The following PTPRT variants were observed in gnomAD, a reference collection of about 807,000 sequenced individuals.
The protein encoded by PTPRT is protein tyrosine phosphatase receptor type T.
In PTPRT, 56 loss-of-function variants were observed where a neutral mutation model predicts 176.8. The observed-to-expected ratio is 0.32, with a 90% CI of 0.26 to 0.40. PTPRT has a LOEUF of 0.40. PTPRT is among the 10% of genes least tolerant of loss of function. The probability of loss-of-function intolerance (pLI) is 1.00; values close to 1 mark genes in which losing one functional copy is unlikely to be tolerated. For missense variants in PTPRT, 1,540 were observed against 1,908.2 expected, an observed-to-expected ratio of 0.81 and a Z score of 3.60; for synonymous variants, 783 against 739.0, an observed-to-expected ratio of 1.06 and a Z score of -0.96.
intron 1 of PTPRT, among the ~76,000 whole-genome samples, chr20:42,928,592 G>T (rs1979634253): frequency 6.6e-6 from 1 of 152,184 alleles, no homozygotes; most frequent in Admixed American, 6.5e-5. Flanking sequence ...TGATGAGTAG[G>T]CCAGGAGGTG....
At chr20:43,152,394 T>C (rs544834932) in intron 1 of PTPRT, among the ~76,000 whole-genome samples, 47 of 152,318 alleles carry the variant, frequency 3.1e-4, no homozygotes, top group African/African-American at 9.9e-4. Flanking sequence ...TATGAATTCA[T>C]TGCACACAAG....
intron 1 of PTPRT, among the ~76,000 whole-genome samples, chr20:43,157,054 T>TA (rs970454351): frequency 6.6e-5 from 10 of 150,700 alleles, no homozygotes; most frequent in South Asian, 2.1e-4. Flanking sequence ...ACACAGCAAT[T>TA]AAAAAAAAAG....
intron 1 of PTPRT, among the ~76,000 whole-genome samples, chr20:43,051,623 T>A (rs1314951656): frequency 1.6e-5 from 1 of 60,702 alleles, no homozygotes; most frequent in Admixed American, 2.3e-4. Flanking sequence ...ACTCTGTAAC[T>A]GTAAAAAAAA....
At chr20:42,500,150 T>C (rs186124652) in intron 7 of PTPRT, among the ~76,000 whole-genome samples, 4 of 152,068 alleles carry the variant, frequency 2.6e-5, no homozygotes, top group Non-Finnish European at 4.4e-5. Context: ...TTTTGATATA[T>C]GTTTTATTTT....
intron 9 of PTPRT, among the ~76,000 whole-genome samples, chr20:42,356,037 A>C (rs1362462490): frequency 6.6e-6 from 1 of 152,180 alleles, no homozygotes; most frequent in Non-Finnish European, 1.5e-5. Context: ...GCTTCACCAA[A>C]TCTAATTCCC....
At chr20:42,666,793 T>A (rs569797965) in intron 7 of PTPRT, among the ~76,000 whole-genome samples, 4 of 152,234 alleles carry the variant, frequency 2.6e-5, no homozygotes, top group Non-Finnish European at 4.4e-5. Context: ...AAGAATAGGA[T>A]ACATTTTATT....
intron 2 of PTPRT, among the ~76,000 whole-genome samples, chr20:42,800,372 G>C (rs941282782): frequency 1.3e-5 from 2 of 152,200 alleles, no homozygotes; most frequent in African/African-American, 4.8e-5. Context: ...CATGCAGGAA[G>C]AGGGGTAAAG....
At chr20:43,053,613 C>G (rs1227825279) in intron 1 of PTPRT, among the ~76,000 whole-genome samples, 1 of 152,218 alleles carries the variant, frequency 6.6e-6, no homozygotes, top group African/African-American at 2.4e-5. Context: ...TCTGTTTGTG[C>G]TCCGCCTGGA....
chr20:42,715,847 C>A (rs957708094), intron 6 of PTPRT, among the ~76,000 whole-genome samples: 12 of 152,044 alleles, frequency 7.9e-5, no homozygotes, highest in African/African-American at 2.7e-4. Context: ...TTAAATAAAT[C>A]AACATATTGG....
chr20:42,584,510 G>A (rs1601321008), intron 7 of PTPRT, among the ~76,000 whole-genome samples: 1 of 152,256 alleles, frequency 6.6e-6, no homozygotes, highest in Admixed American at 6.5e-5. Flanking sequence ...CAATCAGAGA[G>A]GTCTTCTCTG....
chr20:42,515,568 T>C (rs1218849725), intron 7 of PTPRT, among the ~76,000 whole-genome samples: 2 of 152,222 alleles, frequency 1.3e-5, no homozygotes, highest in Non-Finnish European at 2.9e-5. Flanking sequence ...TTTTTAATAC[T>C]TTTTCTGTTT....
chr20:42,711,452 C>T (rs79729979), intron 6 of PTPRT, among the ~76,000 whole-genome samples: 11,638 of 152,020 alleles, frequency 0.077, 497 homozygotes, highest in South Asian at 0.16. Context: ...TAAAAGAGCC[C>T]AGCACCTCCA....
chr20:42,271,972 T>C (rs1194888970), intron 13 of PTPRT, among the ~76,000 whole-genome samples: 2 of 152,334 alleles, frequency 1.3e-5, no homozygotes, highest in African/African-American at 4.8e-5. Context: ...CAGTAAATAG[T>C]AATCATAATA....
intron 1 of PTPRT, among the ~76,000 whole-genome samples, chr20:43,079,147 T>C (rs2011364848): frequency 1.3e-5 from 2 of 151,302 alleles, no homozygotes; most frequent in Non-Finnish European, 2.9e-5. Flanking sequence ...TTTTCTTTTT[T>C]CTCTCTCCCT....
intron 1 of PTPRT, among the ~76,000 whole-genome samples, chr20:43,101,068 T>A (rs1249994476): frequency 5.3e-5 from 8 of 152,202 alleles, no homozygotes; most frequent in Non-Finnish European, 1.0e-4. Flanking sequence ...GGCTACCTTT[T>A]CCTTTTTAGC....
At chr20:42,658,745 T>C (rs1351053028) in intron 7 of PTPRT, among the ~76,000 whole-genome samples, 1 of 152,250 alleles carries the variant, frequency 6.6e-6, no homozygotes, top group Non-Finnish European at 1.5e-5. Context: ...ATGTAATGTA[T>C]GTCTCCCCCA....
At chr20:42,983,034 A>C (rs1983370466) in intron 1 of PTPRT, among the ~76,000 whole-genome samples, 3 of 152,190 alleles carry the variant, frequency 2.0e-5, no homozygotes, top group Admixed American at 6.5e-5. Context: ...ACCTGTCTAC[A>C]CAGGCTCAGA....
In PTPRT at chr20:42,704,994, T is replaced by A. The variant is rs140246931; in HGVS notation, c.860-26835A>T. ...ATTGAGGCAGGCAGATCACCTGAGGTCGGAAGTTCGAGACCAGCCTGACCA... is the reference window on the plus strand; with the variant it reads ...ATTGAGGCAGGCAGATCACCTGAGGACGGAAGTTCGAGACCAGCCTGACCA... On this transcript the variant is annotated intron_variant, in intron 6 of 30. Transcript: ENST00000373187. Among the ~76,000 whole-genome samples, 33 of 151,844 alleles carry A rather than the reference T, an allele frequency of 2.2e-4. No individual in the cohort carries two copies. In the East Asian group the frequency reaches 6.4e-3, roughly 30 times the overall value.
intron 6 of PTPRT, among the ~76,000 whole-genome samples, chr20:42,739,769 A>T (rs1324907999): frequency 1.3e-5 from 2 of 152,250 alleles, no homozygotes; most frequent in African/African-American, 4.8e-5. Flanking sequence ...TGAAAGCAGG[A>T]GACACAAACT....
Sources: gnomAD v4.1 joint callset for allele counts (sites outside exome capture counted in the v4.1 genomes callset) on GRCh38, gnomAD v4.1.1 for gene constraint, MANE v1.5 for transcripts, NCBI Gene and HGNC (gene_info 2026-07-23, HGNC 2026-07-21) for gene names.